MDGA2: variants seen among roughly 807,000 people sequenced by gnomAD.
MDGA2 encodes the protein MAM domain-containing glycosylphosphatidylinositol anchor protein 2.
In MDGA2, 40 loss-of-function variants were observed where a neutral mutation model predicts 117.8. The ratio of observed to expected loss-of-function variants is 0.34; its 90% CI spans 0.26 to 0.44. The LOEUF (loss-of-function observed/expected upper bound fraction) is 0.44, where lower values mean the gene tolerates loss of function less well. Ranked by LOEUF, MDGA2 falls within the 20% of genes least tolerant of loss-of-function variation. MDGA2 has a pLI of 1.00. For missense variants in MDGA2, 1,123 were observed against 1,250.6 expected (o/e 0.90, Z 1.54); for synonymous variants, 452 against 439.0 (o/e 1.03, Z -0.37).
intron 8 of MDGA2, among the ~76,000 whole-genome samples, chr14:46,981,941 A>C (rs1490939169): frequency 6.6e-6 from 1 of 152,220 alleles, no homozygotes; most frequent in Non-Finnish European, 1.5e-5. Flanking sequence ...AAGCATACTG[A>C]CAGAAGTGAT....
chr14:47,042,639 G>A (rs907348186), intron 7 of MDGA2, among the ~76,000 whole-genome samples: 2 of 152,106 alleles, frequency 1.3e-5, no homozygotes, highest in Non-Finnish European at 2.9e-5. Context: ...AAGTCACAAA[G>A]TAGTTTTACA....
At chr14:47,016,927 C>T (rs548696140) in intron 8 of MDGA2, among the ~76,000 whole-genome samples, 6 of 148,028 alleles carry the variant, frequency 4.1e-5, no homozygotes, top group African/African-American at 1.2e-4. Context: ...ATCTCTTATT[C>T]GTAGTCATTT....
intron 14 of MDGA2, among the ~76,000 whole-genome samples, chr14:46,865,694 C>T (rs1881726468): frequency 4.6e-5 from 7 of 152,022 alleles, no homozygotes; most frequent in Admixed American, 4.6e-4. Flanking sequence ...TCAGCAAAGT[C>T]TCAGGATACA....
intron 1 of MDGA2, among the ~76,000 whole-genome samples, chr14:47,388,482 CTG>C (rs770190674): frequency 2.6e-5 from 4 of 152,142 alleles, no homozygotes; most frequent in African/African-American, 4.8e-5. Flanking sequence ...CACCTGAATG[CTG>C]TGTCTTCTGC....
chr14:47,425,206 G>C (rs1452472077), intron 1 of MDGA2, among the ~76,000 whole-genome samples: 1 of 152,098 alleles, frequency 6.6e-6, no homozygotes, highest in Non-Finnish European at 1.5e-5. Flanking sequence ...GTCTTATTGG[G>C]AGAGGCTGCA....
intron 14 of MDGA2, among the ~76,000 whole-genome samples, chr14:46,866,236 C>A (rs1237333868): frequency 2.0e-5 from 3 of 151,906 alleles, no homozygotes; most frequent in African/African-American, 7.3e-5. Flanking sequence ...GAAATAATGC[C>A]ACATATCCAC....
intron 3 of MDGA2, among the ~76,000 whole-genome samples, chr14:47,204,206 G>A (rs1885604591): frequency 6.6e-6 from 1 of 151,874 alleles, no homozygotes; most frequent in South Asian, 2.1e-4. Flanking sequence ...TCTTGTCTTA[G>A]AACAACACTA....
intron 2 of MDGA2, among the ~76,000 whole-genome samples, chr14:47,226,847 C>G (rs1241952614): frequency 6.6e-6 from 1 of 152,078 alleles, no homozygotes; most frequent in African/African-American, 2.4e-5. Context: ...TTTTCCTCCC[C>G]ATTTTACAGC....
At chr14:47,010,917 A>G (rs1384234247) in intron 8 of MDGA2, among the ~76,000 whole-genome samples, 4 of 152,082 alleles carry the variant, frequency 2.6e-5, no homozygotes, top group African/African-American at 7.2e-5. Context: ...GGACAGATGG[A>G]CATGAATTAA....
At chr14:47,059,965 T>C (rs901068038) in intron 7 of MDGA2, among the ~76,000 whole-genome samples, 1 of 152,114 alleles carries the variant, frequency 6.6e-6, no homozygotes, top group Non-Finnish European at 1.5e-5. Flanking sequence ...AATCAATGGA[T>C]ATTTGTTGAT....
At chr14:47,576,525 C>T (rs564553564) in intron 1 of MDGA2, among the ~76,000 whole-genome samples, 50 of 152,196 alleles carry the variant, frequency 3.3e-4, no homozygotes, top group African/African-American at 1.2e-3. Flanking sequence ...TCTCCAAAGT[C>T]AATCTGTACT....
At chr14:47,072,081 G>T (rs1890302113) in intron 6 of MDGA2, among the ~76,000 whole-genome samples, 1 of 114,360 alleles carries the variant, frequency 8.7e-6, no homozygotes, top group African/African-American at 3.4e-5. Flanking sequence ...GACCCAGGAA[G>T]TTTGTTGGTT....
chr14:47,601,545 A>C (rs1896648325), intron 1 of MDGA2, among the ~76,000 whole-genome samples: 1 of 152,204 alleles, frequency 6.6e-6, no homozygotes, highest in African/African-American at 2.4e-5. Context: ...AGGATAAAAC[A>C]GCTCTATTCA....
chr14:47,588,251 T>C (rs866666410), intron 1 of MDGA2, among the ~76,000 whole-genome samples: 5 of 87,236 alleles, frequency 5.7e-5, no homozygotes, highest in Non-Finnish European at 1.2e-4. Context: ...TATATATATA[T>C]ATATATATAT....
At chr14:47,311,450 C>T (rs1889631628) in intron 1 of MDGA2, among the ~76,000 whole-genome samples, 1 of 152,084 alleles carries the variant, frequency 6.6e-6, no homozygotes, top group Admixed American at 6.5e-5. Context: ...AAATCACTGC[C>T]ACTGCCTGTG....
At chr14:47,243,200 C>A (rs993868247) in intron 2 of MDGA2, among the ~76,000 whole-genome samples, 2 of 151,472 alleles carry the variant, frequency 1.3e-5, no homozygotes, top group African/African-American at 4.8e-5. Flanking sequence ...TCTGGTGGGG[C>A]CTTGGAGAAC....
chr14:47,320,966 G>A (rs1357418552), intron 1 of MDGA2, among the ~76,000 whole-genome samples: 2 of 152,164 alleles, frequency 1.3e-5, no homozygotes, highest in Non-Finnish European at 2.9e-5. Context: ...GGGTAAAGAA[G>A]ACATGAGCAA....
intron 7 of MDGA2, among the ~76,000 whole-genome samples, chr14:47,047,861 C>G (rs960484094): frequency 1.3e-5 from 2 of 151,592 alleles, no homozygotes; most frequent in African/African-American, 4.8e-5. Flanking sequence ...TTGCTGTTGT[C>G]TGTTGTCCAG....
chr14:47,069,434 G>GGTTCATTTGAGTTCTATCATTTGAACA, intron 6 of MDGA2, among the ~76,000 whole-genome samples: 3 of 152,238 alleles, frequency 2.0e-5, no homozygotes, highest in East Asian at 3.9e-4. Flanking sequence ...CAGTCTCCCT[G>GGTTCATTTGAGTTCTATCATTTGAACA]GTTCATTTGA....
Sources: gnomAD v4.1 joint callset for allele counts (sites outside exome capture counted in the v4.1 genomes callset) on GRCh38, gnomAD v4.1.1 for gene constraint, MANE v1.5 for transcripts, NCBI Gene and HGNC (gene_info 2026-07-23, HGNC 2026-07-21) for gene names.